Variants in PXDNL observed in about 807,000 individuals in gnomAD.
PXDNL encodes peroxidasin like.
Under a neutral mutation model 150.8 loss-of-function variants are expected in PXDNL, and 145 were observed. The observed-to-expected ratio is 0.96, with a 90% confidence interval of 0.84 to 1.10. The LOEUF (loss-of-function observed/expected upper bound fraction) is 1.10, where lower values mean the gene tolerates loss of function less well. PXDNL is among the 50% of genes least tolerant of loss of function. The pLI, the probability that PXDNL is intolerant of heterozygous loss-of-function variation, is 0.00. For synonymous variants in PXDNL, 757 were observed against 725.7 expected, an observed-to-expected ratio of 1.04 and a Z score of -0.69; for missense variants, 2,087 against 1,873.9, an observed-to-expected ratio of 1.11 and a Z score of -2.10.
rs1305759686 is a variant in PXDNL, at chr8:51,409,153, G to T, written c.2471C>A (p.Ala824Asp). 2 of 1,602,040 alleles carry T rather than the reference G, an allele frequency of 1.2e-6. No individual in the cohort carries two copies. The highest frequency in any genetic ancestry group is 3.4e-5 in the Admixed American group (2 of 59,308). ...GCACGGCCGCCCATCCGAGAAGCGGGCTGTGCTCAGCGCAGGCACTGTGTG... is the reference window on the plus strand; with the variant it reads ...GCACGGCCGCCCATCCGAGAAGCGGTCTGTGCTCAGCGCAGGCACTGTGTG... ...LDHTVPALST[A>D]RFSDGRPCSS... is the part of the protein sequence containing the mutation. The change falls in exon 17 of 23, where the codon GCC becomes GAC. Residue 824 changes from alanine to aspartate, a missense_variant. Transcript: ENST00000356297.
intron 5 of PXDNL, among the ~76,000 whole-genome samples, chr8:51,485,953 T>C (rs1345963837): frequency 6.6e-6 from 1 of 152,206 alleles, no homozygotes; most frequent in Non-Finnish European, 1.5e-5. Flanking sequence ...AAACAGCTTA[T>C]AGTAGATTGC....
At chr8:51,360,374 A>C (rs927187804) in intron 19 of PXDNL, among the ~76,000 whole-genome samples, 2 of 152,226 alleles carry the variant, frequency 1.3e-5, no homozygotes, top group Non-Finnish European at 2.9e-5. Context: ...ATACCTATTC[A>C]TGCATATGAC....
Position 51,588,402 on chromosome 8 carries a change from C to A in PXDNL, c.308+4225G>T, listed in dbSNP as rs1186336271. ...CTGCTTCACACATCTGTTATCCTTG[C>A]CTTTTAAATAACATGTCTTACAAGA... On this transcript the variant is annotated intron_variant, in intron 3 of 22. Transcript: ENST00000356297. Among the ~76,000 whole-genome samples, 3 of 152,140 alleles carry A rather than the reference C, an allele frequency of 2.0e-5. No individual in the cohort carries two copies. In the East Asian group the frequency reaches 5.8e-4, roughly 29 times the overall value.
intron 1 of PXDNL, among the ~76,000 whole-genome samples, chr8:51,712,960 T>C (rs865880173): frequency 6.6e-6 from 1 of 152,214 alleles, no homozygotes; most frequent in Non-Finnish European, 1.5e-5. Flanking sequence ...ATAAAAAATC[T>C]GGAAGGCTGA....
chr8:51,529,499 C>A (rs1811843855), intron 4 of PXDNL, among the ~76,000 whole-genome samples: 1 of 152,168 alleles, frequency 6.6e-6, no homozygotes, highest in Admixed American at 6.5e-5. Flanking sequence ...TTTGCCTTTT[C>A]TAAGTCTCTT....
intron 1 of PXDNL, among the ~76,000 whole-genome samples, chr8:51,807,866 T>G (rs969630496): frequency 2.6e-5 from 4 of 152,276 alleles, no homozygotes; most frequent in Non-Finnish European, 5.9e-5. Flanking sequence ...TTTGCTGCTA[T>G]CTACCAAAAA....
intron 20 of PXDNL, among the ~76,000 whole-genome samples, chr8:51,343,577 C>T (rs186174295): frequency 5.9e-5 from 9 of 152,180 alleles, no homozygotes; most frequent in East Asian, 5.8e-4. Context: ...TTAAGTGTTT[C>T]GGTAATAAGT....
At position 51,533,525 on chromosome 8, in the gene PXDNL, G is replaced by C. The variant is rs200859224; in HGVS notation, c.380+23315C>G. ...CCCCTCCCTCTCCCTCTCCCTCCAC[G>C]GTCTCCCTCTGATGCCGAGCCAAAG... is the stretch of plus-strand genomic sequence containing the variant. On this transcript the variant is annotated intron_variant, in intron 4 of 22. Transcript: ENST00000356297. Among the ~76,000 whole-genome samples the C allele has an allele frequency of 2.6e-3, 197 of 75,450 alleles. 4 individuals carry two copies. The highest frequency in any genetic ancestry group is 4.9e-3 in the Admixed American group (28 of 5,660). 49.5% of individuals were successfully genotyped at this position (75,450 alleles called of 152,430 possible).
intron 17 of PXDNL, among the ~76,000 whole-genome samples, chr8:51,390,999 G>C (rs1050801665): frequency 2.6e-5 from 4 of 151,964 alleles, no homozygotes; most frequent in Non-Finnish European, 5.9e-5. Context: ...TGCGGTGTTT[G>C]GTTTTTTGTC....
rs767937868 is a variant in PXDNL, at chr8:51,411,263, G to A, written c.2049C>T (p.Asp683=). The A allele has an allele frequency of 6.0e-6, 9 of 1,488,994 alleles. No individual in the cohort carries two copies. The highest frequency in any genetic ancestry group is 4.3e-5 in the African/African-American group (3 of 69,652). The allele number at this position is 1,488,994 out of a possible 1,614,324, so 92.2% of individuals were successfully genotyped here. A position where few individuals can be genotyped will look rare whatever the true frequency, so the allele number is the denominator to read the frequency against. The change falls in exon 16 of 23, where the codon GAC becomes GAT. Residue 683 remains aspartate, a synonymous_variant. Coordinates refer to ENST00000356297, the MANE Select transcript of PXDNL (RefSeq NM_144651.5). ...TTTGTGGCTGACCTTTGCCTTCCAA[G>A]TCCACAGTGAGCCCCTGCTTCACAC... is the stretch of plus-strand genomic sequence containing the variant. ...RERVKQGLTV[D]LEGKEFRYND...
chr8:51,680,600 T>C (rs2130845641), intron 1 of PXDNL, among the ~76,000 whole-genome samples: 1 of 152,286 alleles, frequency 6.6e-6, no homozygotes, highest in East Asian at 1.9e-4. Context: ...TTACTTTTAT[T>C]GAGTGGGGAA....
intron 19 of PXDNL, among the ~76,000 whole-genome samples, chr8:51,358,557 T>C (rs1329321632): frequency 2.0e-5 from 3 of 152,150 alleles, no homozygotes; most frequent in African/African-American, 7.2e-5. Context: ...AAAGCTCACA[T>C]GCCTGTGCTC....
chr8:51,743,287 G>C (rs956928208), intron 1 of PXDNL, among the ~76,000 whole-genome samples: 1 of 152,194 alleles, frequency 6.6e-6, no homozygotes, highest in Non-Finnish European at 1.5e-5. Flanking sequence ...GCATGATCTC[G>C]GCTCACTGTA....
At chr8:51,668,172 C>CTTTTTTTTTT (rs765738861) in intron 1 of PXDNL, among the ~76,000 whole-genome samples, 1,724 of 25,546 alleles carry the variant, frequency 0.067, 39 homozygotes, top group Middle Eastern at 0.14. Context: ...CCTTCTCGCT[C>CTTTTTTTTTT]TCTCTTTTTT....
At chr8:51,635,480 G>C (rs2130764198) in intron 2 of PXDNL, among the ~76,000 whole-genome samples, 1 of 151,984 alleles carries the variant, frequency 6.6e-6, no homozygotes, top group Middle Eastern at 3.4e-3. Flanking sequence ...AAAAACTTTA[G>C]CTAGGCTAAC....
chr8:51,664,549 A>G (rs1182084752), intron 1 of PXDNL, among the ~76,000 whole-genome samples: 1 of 152,176 alleles, frequency 6.6e-6, no homozygotes, highest in Non-Finnish European at 1.5e-5. Context: ...GTGAGCCAAT[A>G]AACACAGCAT....
At chr8:51,454,117 T>C (rs575492625) in intron 9 of PXDNL, among the ~76,000 whole-genome samples, 1 of 152,150 alleles carries the variant, frequency 6.6e-6, no homozygotes, top group African/African-American at 2.4e-5. Context: ...CACATTTTTT[T>C]AAACACAGTT....
chr8:51,344,796 C>A (rs939592186), intron 20 of PXDNL, among the ~76,000 whole-genome samples: 1 of 152,088 alleles, frequency 6.6e-6, no homozygotes. Context: ...AGACAATAAT[C>A]CTGTAAAGTA....
intron 14 of PXDNL, among the ~76,000 whole-genome samples, chr8:51,417,438 C>G (rs1481424787): frequency 1.3e-5 from 2 of 152,148 alleles, no homozygotes; most frequent in Non-Finnish European, 2.9e-5. Context: ...CACGTGGCCA[C>G]TCACTGCTCT....
Sources: allele counts gnomAD v4.1 joint callset (sites outside exome capture counted in the v4.1 genomes callset), GRCh38; gene constraint gnomAD v4.1.1; transcripts MANE v1.5; gene names NCBI Gene and HGNC (gene_info 2026-07-23, HGNC 2026-07-21).